Variants in FBRS observed in about 807,000 individuals in gnomAD.
FBRS encodes the protein probable fibrosin-1.
FBRS carries 15 observed loss-of-function variants against 86.1 expected under a neutral mutation model. The observed-to-expected ratio is 0.17, with a 90% CI of 0.12 to 0.27. FBRS has a LOEUF of 0.27. Ranked by LOEUF, FBRS falls within the 10% of genes least tolerant of loss-of-function variation. The probability of loss-of-function intolerance (pLI) is 1.00; values close to 1 mark genes in which losing one functional copy is unlikely to be tolerated. For synonymous variants in FBRS, 666 were observed against 575.8 expected (o/e 1.16, Z -2.24); for missense variants, 1,367 against 1,301.6 (o/e 1.05, Z -0.77).
Position 30,670,165 on chromosome 16 carries a change from C to T in FBRS, c.*520C>T. 2 of 458,776 alleles carry T rather than the reference C, an allele frequency of 4.4e-6. No homozygotes were observed. The highest frequency in any genetic ancestry group is 8.8e-6 in the Non-Finnish European group (2 of 227,404). 28.4% of individuals were successfully genotyped at this position (458,776 alleles called of 1,614,324 possible). A position where few individuals can be genotyped will look rare whatever the true frequency, so the allele number is the denominator to read the frequency against. On this transcript the variant is annotated 3_prime_UTR_variant, in exon 18 of 18. Transcript: ENST00000356166. Reference sequence around the variant, plus strand: ...GGGTGCCCCTCCCAACAGTTCCCTTCCTGGTTAATTAAACCCTCAGACTGG... The same window carrying T: ...GGGTGCCCCTCCCAACAGTTCCCTTTCTGGTTAATTAAACCCTCAGACTGG...
Position 30,660,342 on chromosome 16 carries a change from G to T in FBRS, c.539G>T (p.Ser180Ile). Residue 180 changes from serine to isoleucine, a missense_variant, in exon 2 of 18, where the codon AGT becomes ATT. Ser to Ile is a moderately radical substitution (Grantham distance 142). Around this residue, in one of 3 missense-constraint regions of FBRS, gnomAD observed 702 missense variants for 598.7 expected, o/e 1.17. Coordinates refer to ENST00000356166, the MANE Select transcript of FBRS (RefSeq NM_001105079.3). ...GGGAAGCGGAAAAGGGGGGGCTCCA[G>T]TGGGGCCACCGGGGAGCCAGGGGAC... The part of the protein sequence containing the change: ...HSGKRKRGGS[S>I]GATGEPGDSS... 3 of 1,294,914 alleles carry T rather than the reference G, an allele frequency of 2.3e-6. No homozygotes were observed. Among genetic ancestry groups the T allele is most frequent in the Non-Finnish European group, 3.0e-6 (3 of 1,012,262 alleles). 80.2% of individuals were successfully genotyped at this position (1,294,914 alleles called of 1,614,324 possible).
At chr16:30,660,126 G>C in intron 1 of FBRS, 137 bp from the exon 2 acceptor site, 1 of 1,426,752 alleles carries the variant, frequency 7.0e-7, no homozygotes, top group Non-Finnish European at 9.2e-7. Context: ...GCCCCGCCCT[G>C]GGGTGGGAGG....
In FBRS at chr16:30,669,795, C is replaced by T. The variant is rs1158370848; in HGVS notation, c.*150C>T. On this transcript the variant is annotated 3_prime_UTR_variant, in exon 18 of 18. Transcript: ENST00000356166. The surrounding 1 kb of genome is among the most constrained non-coding windows in gnomAD (Gnocchi z 5.9). ...TGGAACCTGGGAACAGAAGCCTCAA[C>T]CCCCACAAGACCAAGCATCACATGG... is the stretch of plus-strand genomic sequence containing the variant. 1.7e-5 allele frequency: 17 copies of T among 993,978 alleles called. No homozygotes were observed. The South Asian group carries it at 2.8e-4, about 16-fold the overall frequency. 61.6% of individuals were successfully genotyped at this position (993,978 alleles called of 1,614,324 possible).
intron 6 of FBRS, chr16:30,663,096 C>G: frequency 1.4e-6 from 1 of 704,780 alleles, no homozygotes; most frequent in Non-Finnish European, 2.0e-6. Context: ...AACGTTTTTT[C>G]AGGCAGGCAA....
Position 30,662,415 on chromosome 16 carries a change from C to T in FBRS, c.706-5C>T. 1 of 1,550,540 alleles carries T rather than the reference C, an allele frequency of 6.4e-7. No homozygotes were observed. The highest frequency in any genetic ancestry group is 2.4e-5 in the East Asian group (1 of 40,926). ...CTAACTCTATCCCTTGCCCTTCTTC[C>T]CCAGGTCTCCGATGATGACCTCGAC... On this transcript the variant is annotated splice_region_variant and splice_polypyrimidine_tract_variant and intron_variant, in intron 4 of 17. Transcript: ENST00000356166.
chr16:30,665,506 C>T lies in FBRS; in HGVS notation c.1704+105C>T. On this transcript the variant is annotated intron_variant, in intron 10 of 17. Coordinates refer to ENST00000356166, the MANE Select transcript of FBRS (RefSeq NM_001105079.3). This position sits in a 1 kb window ranked among gnomAD's most constrained non-coding sequence, Gnocchi z 4.1. ...ATTCCCCAAAGTCGTGCCCATCCTC[C>T]TGCCCTGCCCTGCTGCACCCAGTTT... The T allele has an allele frequency of 1.4e-5, 19 of 1,399,746 alleles. No homozygotes were observed. Among genetic ancestry groups the T allele is most frequent in the Non-Finnish European group, 1.8e-5 (18 of 1,009,220 alleles). The allele number at this position is 1,399,746 out of a possible 1,614,324, so 86.7% of individuals were successfully genotyped here. A position where few individuals can be genotyped will look rare whatever the true frequency, so the allele number is the denominator to read the frequency against.
Position 30,669,853 on chromosome 16 carries a change from G to T in FBRS, c.*208G>T. On this transcript the variant is annotated 3_prime_UTR_variant, in exon 18 of 18. Transcript: ENST00000356166. This position sits in a 1 kb window ranked among gnomAD's most constrained non-coding sequence, Gnocchi z 5.9. ...GGTCACTGGGAGAGCAGAGGTCACA[G>T]CCTCTAGAGAAGGGAGAGGGGCGTG... 1 of 683,142 alleles carries T rather than the reference G, an allele frequency of 1.5e-6. No homozygotes were observed. Among genetic ancestry groups the T allele is most frequent in the Non-Finnish European group, 2.4e-6 (1 of 414,266 alleles). The allele number at this position is 683,142 out of a possible 1,614,324, so 42.3% of individuals were successfully genotyped here.
At chr16:30,667,013 G>A (rs1298283543) in intron 13 of FBRS, 23 bp downstream of exon 13, 1 of 1,593,842 alleles carries the variant, frequency 6.3e-7, no homozygotes. Flanking sequence ...GAGGGCTGGG[G>A]AGAGTGGGTC....
intron 13 of FBRS, among the ~76,000 whole-genome samples, 156 bp from the exon 14 acceptor site, chr16:30,667,164 G>A (rs1444377905): frequency 1.3e-5 from 2 of 152,306 alleles, no homozygotes; most frequent in Non-Finnish European, 2.9e-5. Flanking sequence ...GCTCATTAGG[G>A]GGCTGCTCAG....
In FBRS at chr16:30,662,815, C is replaced by T. The variant is rs1477909283; in HGVS notation, c.1011C>T (p.Leu337=). 1 of 1,471,636 alleles carries T rather than the reference C, an allele frequency of 6.8e-7. No homozygotes were observed. The highest frequency in any genetic ancestry group is 2.5e-5 in the East Asian group (1 of 40,092). 91.2% of individuals were successfully genotyped at this position (1,471,636 alleles called of 1,614,324 possible). A position where few individuals can be genotyped will look rare whatever the true frequency, so the allele number is the denominator to read the frequency against. Reference sequence around the variant, plus strand: ...AGCTTCGGGTCTCACCCTTCGGCCTCCGCACTTCTCCATATGGCAGCAGCC... The same window carrying T: ...AGCTTCGGGTCTCACCCTTCGGCCTTCGCACTTCTCCATATGGCAGCAGCC... ...QLQLRVSPFG[L]RTSPYGSSLD... The change falls in exon 6 of 18, where the codon CTC becomes CTT. Residue 337 remains leucine, a synonymous_variant. Coordinates refer to ENST00000356166, the MANE Select transcript of FBRS (RefSeq NM_001105079.3).
At chr16:30,660,002 C>G in intron 1 of FBRS, 25 bp downstream of exon 1, 1 of 1,542,502 alleles carries the variant, frequency 6.5e-7, no homozygotes, top group Non-Finnish European at 8.7e-7. Context: ...GGCTAGGAGA[C>G]TTTGGGGGTT....
chr16:30,665,752 CG>C lies in FBRS; in HGVS notation c.1773+50del, dbSNP rs1160079004. On this transcript the variant is annotated intron_variant, in intron 11 of 17. Coordinates refer to ENST00000356166, the MANE Select transcript of FBRS (RefSeq NM_001105079.3). This position sits in a 1 kb window ranked among gnomAD's most constrained non-coding sequence, Gnocchi z 4.1. ...CCTGGGGGAGCTGGAAGGTGTGTTG[CG>C]GGGAGAACAGAACTGACTTGAGGAG... 1 of 1,535,718 alleles carries C rather than the reference CG, an allele frequency of 6.5e-7. No homozygotes were observed. Among genetic ancestry groups the C allele is most frequent in the African/African-American group, 1.4e-5 (1 of 73,090 alleles).
intron 6 of FBRS, among the ~76,000 whole-genome samples, chr16:30,663,774 G>A (rs2052487921): frequency 6.6e-6 from 1 of 152,226 alleles, no homozygotes; most frequent in South Asian, 2.1e-4. Flanking sequence ...GAGAGGGGCA[G>A]TGACTTGCTC....
intron 6 of FBRS, 189 bp downstream of exon 6, chr16:30,663,048 C>A: frequency 9.2e-7 from 1 of 1,083,652 alleles, no homozygotes; most frequent in Non-Finnish European, 1.2e-6. Flanking sequence ...GCAGGGGAAT[C>A]CAGGCTGTGC....
intron 2 of FBRS, 125 bp downstream of exon 2, chr16:30,660,567 C>T: frequency 8.0e-7 from 1 of 1,252,494 alleles, no homozygotes; most frequent in Non-Finnish European, 1.0e-6. Context: ...GCAAGCAGGG[C>T]AAATTTGAGC....
rs1207503749 is a variant in FBRS at position 30,667,528 on chromosome 16, C to A, written c.1994-14C>A. 2 of 1,526,690 alleles carry A rather than the reference C, an allele frequency of 1.3e-6. No homozygotes were observed. The highest frequency in any genetic ancestry group is 2.5e-5 in the East Asian group (1 of 40,686). The allele number at this position is 1,526,690 out of a possible 1,614,324, so 94.6% of individuals were successfully genotyped here. ...CACTCAGCCTCATCAGAATCTCCCA[C>A]CTCTCTGCCCCAGGTGCCGTCCACG... is the stretch of plus-strand genomic sequence containing the variant. On this transcript the variant is annotated splice_polypyrimidine_tract_variant and intron_variant, in intron 14 of 17. Transcript: ENST00000356166.
chr16:30,660,225 C>G (rs749983944), intron 1 of FBRS, 38 bp from the exon 2 acceptor site: 95 of 1,337,000 alleles, frequency 7.1e-5, no homozygotes, highest in East Asian at 1.5e-4. Flanking sequence ...GGAGCTTGCC[C>G]TTTTCCATCT....
In FBRS at chr16:30,661,213, A is replaced by G. The variant is rs1421058733; in HGVS notation, c.673A>G (p.Ile225Val). Residue 225 changes from isoleucine to valine, a missense_variant and splice_region_variant, in exon 3 of 18, where the codon ATA becomes GTA. Physicochemically the swap from Ile to Val is conservative, Grantham distance 29. Transcript: ENST00000356166. ...SSRHSLEAGY[I>V]CDAESDLDER... ...CCGTCACTCTCTGGAAGCTGGATACATAGTAAGTGCTATCCACCTGTCCTG... is the reference window on the plus strand; with the variant it reads ...CCGTCACTCTCTGGAAGCTGGATACGTAGTAAGTGCTATCCACCTGTCCTG... 1.9e-6 allele frequency: 3 copies of G among 1,550,686 alleles called. No individual in the cohort carries two copies. The highest frequency in any genetic ancestry group is 2.6e-6 in the Non-Finnish European group (3 of 1,147,012).
intron 11 of FBRS, chr16:30,666,240 C>A: frequency 1.7e-6 from 1 of 584,588 alleles, no homozygotes; most frequent in Non-Finnish European, 3.0e-6. Flanking sequence ...AATAGGAGAG[C>A]TTCTCTGAGA....
Sources: allele counts gnomAD v4.1 joint callset (sites outside exome capture counted in the v4.1 genomes callset), GRCh38; gene constraint gnomAD v4.1.1; regional missense constraint gnomAD v4.1.1; non-coding constraint Gnocchi (gnomAD v3.1); transcripts MANE v1.5; gene names NCBI Gene and HGNC (gene_info 2026-07-23, HGNC 2026-07-21).